DCLK2: variants seen among roughly 807,000 people sequenced by gnomAD.
DCLK2 encodes doublecortin like kinase 2, also known as serine/threonine-protein kinase DCLK2.
Under a neutral mutation model 78.4 loss-of-function variants are expected in DCLK2, and 31 were observed. The ratio of observed to expected loss-of-function variants is 0.40; its 90% CI spans 0.30 to 0.53. The LOEUF (loss-of-function observed/expected upper bound fraction) is 0.53, where lower values mean the gene tolerates loss of function less well. DCLK2 is among the 20% of genes least tolerant of loss of function. DCLK2 has a pLI of 0.61. For synonymous variants in DCLK2, 407 were observed against 374.9 expected, an observed-to-expected ratio of 1.09 and a Z score of -0.99; for missense variants, 872 against 973.7, an observed-to-expected ratio of 0.90 and a Z score of 1.39.
intron 2 of DCLK2, among the ~76,000 whole-genome samples, chr4:150,184,750 C>T (rs1283838326): frequency 1.3e-5 from 2 of 151,976 alleles, no homozygotes; most frequent in Non-Finnish European, 2.9e-5. Context: ...TACAGACACC[C>T]GCCACCATGC....
At chr4:150,156,969 T>C (rs1735328305) in intron 2 of DCLK2, among the ~76,000 whole-genome samples, 1 of 151,406 alleles carries the variant, frequency 6.6e-6, no homozygotes, top group African/African-American at 2.4e-5. Context: ...AAGGTCTTGC[T>C]ATGTTACCCA....
intron 15 of DCLK2, chr4:150,253,413 T>A: frequency 7.8e-7 from 1 of 1,287,488 alleles, no homozygotes; most frequent in Non-Finnish European, 1.0e-6. Flanking sequence ...GGGCTAGAAA[T>A]TGGTCCATAA....
At chr4:150,201,989 C>T (rs1469094328) in intron 4 of DCLK2, among the ~76,000 whole-genome samples, 2 of 152,164 alleles carry the variant, frequency 1.3e-5, no homozygotes, top group Non-Finnish European at 2.9e-5. Context: ...TCCTTGCCTG[C>T]AGACTTGCGT....
Position 150,203,860 on chromosome 4 carries a change from A to G in DCLK2, c.1027A>G (p.Thr343Ala), listed in dbSNP as rs1471517126. 1.2e-6 allele frequency: 2 copies of G among 1,613,842 alleles called. No individual in the cohort carries two copies. Among genetic ancestry groups the G allele is most frequent in the East Asian group, 2.2e-5 (1 of 44,850 alleles). The change falls in exon 5 of 16, where the codon ACT (threonine) becomes GCT (alanine). Residue 343 changes from threonine (T) to alanine (A), a missense_variant. Physicochemically the swap from Thr to Ala is moderately conservative, Grantham distance 58. Coordinates refer to ENST00000296550, the MANE Select transcript of DCLK2 (RefSeq NM_001040260.4). ...KSTKSSSSSP[T>A]SPGSFRGLKQ... ...TACGAAATCCTCCAGTTCCTCTCCA[A>G]CTAGTCCAGGAAGTTTCAGAGGATT...
intron 2 of DCLK2, among the ~76,000 whole-genome samples, chr4:150,118,314 A>T (rs80042989): frequency 0.061 from 3,644 of 59,914 alleles, 59 homozygotes; most frequent in Non-Finnish European, 0.1. Flanking sequence ...TTTACCAGAT[A>T]AAAAACCTGT....
chr4:150,226,976 T>A (rs962486643), intron 8 of DCLK2, among the ~76,000 whole-genome samples: 1 of 152,268 alleles, frequency 6.6e-6, no homozygotes, highest in Non-Finnish European at 1.5e-5. Context: ...TAATATCTGC[T>A]ATTTGTTAAA....
intron 12 of DCLK2, among the ~76,000 whole-genome samples, chr4:150,244,001 C>G (rs970627886): frequency 6.6e-6 from 1 of 151,706 alleles, no homozygotes; most frequent in Admixed American, 6.6e-5. Context: ...GTGGTGCAAT[C>G]ATAGCTCACT....
intron 8 of DCLK2, among the ~76,000 whole-genome samples, chr4:150,227,490 G>C (rs1387093916): frequency 6.6e-6 from 1 of 152,160 alleles, no homozygotes; most frequent in Non-Finnish European, 1.5e-5. Flanking sequence ...AGGAACAGTG[G>C]GTAGGGAGGG....
chr4:150,173,030 T>G (rs4835621), intron 2 of DCLK2, among the ~76,000 whole-genome samples: 144,038 of 152,270 alleles, frequency 0.95, 68,227 homozygotes, highest in Middle Eastern at 0.99. Context: ...TCTTCTAGTT[T>G]TATTTAGTAA....
At chr4:150,223,795 C>A (rs1056562897) in intron 7 of DCLK2, among the ~76,000 whole-genome samples, 2 of 150,920 alleles carry the variant, frequency 1.3e-5, no homozygotes, top group African/African-American at 4.9e-5. Context: ...TTCTTATATC[C>A]ATGCGAATGA....
At chr4:150,142,226 A>T (rs1734155545) in intron 2 of DCLK2, among the ~76,000 whole-genome samples, 1 of 152,116 alleles carries the variant, frequency 6.6e-6, no homozygotes, top group Non-Finnish European at 1.5e-5. Context: ...TTAGATTCGC[A>T]ATCAGTTTTC....
intron 2 of DCLK2, among the ~76,000 whole-genome samples, chr4:150,126,642 AC>A (rs1732936068): frequency 6.6e-6 from 1 of 152,204 alleles, no homozygotes. Context: ...TTTTGAAATA[AC>A]TTTAGACTTA....
intron 2 of DCLK2, among the ~76,000 whole-genome samples, chr4:150,138,544 C>A (rs983378566): frequency 6.6e-6 from 1 of 151,866 alleles, no homozygotes; most frequent in African/African-American, 2.4e-5. Flanking sequence ...ATTATTGTGG[C>A]AAAAAAAATA....
chr4:150,207,925 T>A (rs1348054415), intron 5 of DCLK2, among the ~76,000 whole-genome samples: 2 of 151,972 alleles, frequency 1.3e-5, no homozygotes, highest in Non-Finnish European at 2.9e-5. Flanking sequence ...AAAGAGGAAA[T>A]CCAGCTCCAA....
chr4:150,151,880 G>C (rs1560815348), intron 2 of DCLK2, among the ~76,000 whole-genome samples: 1 of 151,622 alleles, frequency 6.6e-6, no homozygotes, highest in African/African-American at 2.4e-5. Context: ...AGTCAAGATT[G>C]CACCACTGCA....
In DCLK2 at chr4:150,172,389, G is replaced by A. The variant is rs1413341397; in HGVS notation, c.757-20749G>A. Among the ~76,000 whole-genome samples the A allele has an allele frequency of 3.9e-5, 6 of 151,984 alleles. No homozygotes were observed. In the South Asian group the frequency reaches 8.3e-4, roughly 21 times the overall value. On this transcript the variant is annotated intron_variant, in intron 2 of 15. Transcript: ENST00000296550. ...GAGGCCGAGGCGGGTGGATTACGAG[G>A]TCAGGAGATTGAGACCATCCTGGCT... is the stretch of plus-strand genomic sequence containing the variant.
chr4:150,200,661 C>T (rs1254561702), intron 4 of DCLK2, among the ~76,000 whole-genome samples: 1 of 152,188 alleles, frequency 6.6e-6, no homozygotes, highest in East Asian at 1.9e-4. Flanking sequence ...TCAAACTGAG[C>T]TGGTAACTTT....
At chr4:150,155,995 G>A (rs1735243446) in intron 2 of DCLK2, among the ~76,000 whole-genome samples, 1 of 152,068 alleles carries the variant, frequency 6.6e-6, no homozygotes. Context: ...GGGTAGTCAG[G>A]AAAGACAGAT....
At chr4:150,228,351 C>T (rs952256679) in intron 8 of DCLK2, among the ~76,000 whole-genome samples, 5 of 152,302 alleles carry the variant, frequency 3.3e-5, no homozygotes, top group Non-Finnish European at 5.9e-5. Context: ...TCTCTCTCAC[C>T]ACTTTCTCCT....
Sources: gnomAD v4.1 joint callset for allele counts (sites outside exome capture counted in the v4.1 genomes callset) on GRCh38, gnomAD v4.1.1 for gene constraint, MANE v1.5 for transcripts, NCBI Gene and HGNC (gene_info 2026-07-23, HGNC 2026-07-21) for gene names.